The following TM9SF3 variants were observed in gnomAD, a reference collection of about 807,000 sequenced individuals.
TM9SF3 encodes the protein transmembrane 9 superfamily member 3.
In TM9SF3, 14 loss-of-function variants were observed where a neutral mutation model predicts 78.6. The observed-to-expected ratio is 0.18, with a 90% CI of 0.12 to 0.28. The LOEUF is 0.28. TM9SF3 is among the 10% of genes least tolerant of loss of function. TM9SF3 has a pLI of 1.00. For synonymous variants in TM9SF3, 231 were observed against 241.7 expected (o/e 0.96, Z 0.41); for missense variants, 496 against 721.9 (o/e 0.69, Z 3.59).
chr10:96,576,868 AC>A (rs397783775), intron 1 of TM9SF3, 39 bp from the exon 2 acceptor site: 644 of 1,393,308 alleles, frequency 4.6e-4, no homozygotes, highest in Middle Eastern at 5.6e-4. Context: ...AAAAAAAAAA[AC>A]ACACTAATTC....
At chr10:96,576,388 A>C (rs1848497108) in intron 2 of TM9SF3, 2 of 280,744 alleles carry the variant, frequency 7.1e-6, no homozygotes, top group Non-Finnish European at 1.3e-5. Flanking sequence ...CACATTTTAG[A>C]GTCTAAAGTA....
intron 4 of TM9SF3, chr10:96,560,893 A>G (rs897439347): frequency 9.5e-6 from 5 of 528,282 alleles, no homozygotes; most frequent in African/African-American, 7.7e-5. Flanking sequence ...CATTAAAGCA[A>G]AAATGCAAGC....
Position 96,586,735 on chromosome 10 carries a change from G to C in TM9SF3, c.101C>G (p.Thr34Arg). 8.0e-7 allele frequency: 1 copy of C among 1,242,590 alleles called. No individual in the cohort carries two copies. The highest frequency in any genetic ancestry group is 1.0e-6 in the Non-Finnish European group (1 of 995,172). 77.0% of individuals were successfully genotyped at this position (1,242,590 alleles called of 1,614,324 possible). ...GCCGCGCCGGCCGGGGCGCCTCACC[G>C]TGTGTTCGTGCTCGTCCGCCCGGGT... The part of the protein sequence containing the change: ...PRTRADEHEH[T>R]YQDKEEVVLW... Residue 34 changes from threonine (T) to arginine (R), a missense_variant and splice_region_variant, in exon 1 of 15, where the codon ACG becomes AGG. Transcript: ENST00000371142.
intron 1 of TM9SF3, among the ~76,000 whole-genome samples, chr10:96,586,123 G>A (rs3748237): frequency 0.18 from 26,680 of 152,108 alleles, 2,607 homozygotes; most frequent in Admixed American, 0.29. Flanking sequence ...AAAGGCCTAG[G>A]AATTGAACGC....
At chr10:96,527,964 T>C in intron 12 of TM9SF3, 67 bp downstream of exon 12, 1 of 1,517,946 alleles carries the variant, frequency 6.6e-7, no homozygotes, top group South Asian at 1.3e-5. Context: ...ACTTGATAGA[T>C]TTCAAAGGAA....
rs35359279 is a variant in TM9SF3, at chr10:96,522,326, C to A, written c.1707G>T (p.Ala569=). 1.1e-5 allele frequency: 18 copies of A among 1,577,642 alleles called. No individual in the cohort carries two copies. Among genetic ancestry groups the A allele is most frequent in the Non-Finnish European group, 1.5e-5 (18 of 1,167,714 alleles). Residue 569 remains alanine (A), a synonymous_variant, in exon 15 of 15, where the codon GCG becomes GCT. Transcript: ENST00000371142. ...FSTALGIMCG[A]IGYMGTSAFV... ...AGGCACTTGTTCCCATGTAACCAAT[C>A]GCTCCTGCAAAGATAAAATAAGATG... is the stretch of plus-strand genomic sequence containing the variant.
Position 96,527,398 on chromosome 10 carries a change from A to G in TM9SF3, c.1625+15T>C. On this transcript the variant is annotated intron_variant, in intron 13 of 14. Transcript: ENST00000371142. ...TAGTTTCCTAAATAAAAGGTAAAAA[A>G]ATGTCTCCACTTACTTTGTTTTGAA... is the stretch of plus-strand genomic sequence containing the variant. 2 of 1,601,254 alleles carry G rather than the reference A, an allele frequency of 1.2e-6. No homozygotes were observed. The highest frequency in any genetic ancestry group is 1.7e-6 in the Non-Finnish European group (2 of 1,174,204).
intron 9 of TM9SF3, among the ~76,000 whole-genome samples, chr10:96,542,305 A>G (rs1390257609): frequency 6.6e-6 from 1 of 152,200 alleles, no homozygotes; most frequent in Non-Finnish European, 1.5e-5. Flanking sequence ...CCTTCATTAG[A>G]CTAATGCAAA....
chr10:96,564,896 T>C (rs1185191769), intron 3 of TM9SF3, among the ~76,000 whole-genome samples: 3 of 151,940 alleles, frequency 2.0e-5, no homozygotes, highest in African/African-American at 4.8e-5. Context: ...CAAGAAACTA[T>C]CATACCAAGA....
At chr10:96,574,780 G>A (rs1310853309) in intron 2 of TM9SF3, among the ~76,000 whole-genome samples, 1 of 152,158 alleles carries the variant, frequency 6.6e-6, no homozygotes, top group East Asian at 1.9e-4. Context: ...GCAGGGACAT[G>A]GATGAAGCTG....
intron 1 of TM9SF3, among the ~76,000 whole-genome samples, chr10:96,586,150 C>G (rs1233304108): frequency 1.3e-5 from 2 of 152,180 alleles, no homozygotes; most frequent in South Asian, 4.1e-4. Context: ...GTTGGGTGCA[C>G]TTACAAGTAA....
At chr10:96,552,099 CT>C (rs1034792796) in intron 6 of TM9SF3, among the ~76,000 whole-genome samples, 1 of 152,076 alleles carries the variant, frequency 6.6e-6, no homozygotes, top group Admixed American at 6.6e-5. Flanking sequence ...GTACCAAATG[CT>C]TTATCCACCC....
At chr10:96,553,392 C>A (rs1848197234) in intron 5 of TM9SF3, among the ~76,000 whole-genome samples, 1 of 152,160 alleles carries the variant, frequency 6.6e-6, no homozygotes, top group Non-Finnish European at 1.5e-5. Context: ...GCTCTGGAGT[C>A]AAACATTGCC....
chr10:96,527,311 A>G (rs1387369968), intron 13 of TM9SF3, 22 bp from the exon 14 acceptor site: 1 of 1,600,662 alleles, frequency 6.2e-7, no homozygotes, highest in South Asian at 1.1e-5. Flanking sequence ...CAAAATATAT[A>G]TAGGATATCC....
chr10:96,549,294 G>C (rs184426692), intron 7 of TM9SF3, among the ~76,000 whole-genome samples: 1 of 152,226 alleles, frequency 6.6e-6, no homozygotes, highest in East Asian at 1.9e-4. Context: ...CTATTCAAGT[G>C]ACTTATCCCA....
chr10:96,549,156 G>T (rs1223532239), intron 7 of TM9SF3, among the ~76,000 whole-genome samples: 1 of 152,024 alleles, frequency 6.6e-6, no homozygotes, highest in Non-Finnish European at 1.5e-5. Flanking sequence ...ACTATAACAG[G>T]CACCCACACT....
intron 5 of TM9SF3, among the ~76,000 whole-genome samples, chr10:96,553,837 G>A (rs750539474): frequency 2.0e-5 from 3 of 152,194 alleles, no homozygotes; most frequent in Non-Finnish European, 4.4e-5. Flanking sequence ...TACTCAAAAT[G>A]TAGCATATCT....
chr10:96,542,389 A>T (rs1368173254), intron 9 of TM9SF3, among the ~76,000 whole-genome samples: 1 of 152,228 alleles, frequency 6.6e-6, no homozygotes, highest in African/African-American at 2.4e-5. Context: ...ACAATTTTAT[A>T]AACCTTCTCT....
intron 5 of TM9SF3, among the ~76,000 whole-genome samples, chr10:96,559,443 T>C (rs1162781128): frequency 2.0e-5 from 3 of 152,236 alleles, no homozygotes; most frequent in Non-Finnish European, 4.4e-5. Flanking sequence ...TATCTCTTAA[T>C]TGGTTTAAAC....
Sources: gnomAD v4.1 joint callset for allele counts (sites outside exome capture counted in the v4.1 genomes callset) on GRCh38, gnomAD v4.1.1 for gene constraint, MANE v1.5 for transcripts, NCBI Gene and HGNC (gene_info 2026-07-23, HGNC 2026-07-21) for gene names.